ENAH: variants seen among roughly 807,000 people sequenced by gnomAD.
ENAH encodes ENAH actin regulator.
A neutral mutation model predicts 78.7 loss-of-function variants in ENAH; 23 were observed. The observed-to-expected ratio is 0.29, with a 90% CI of 0.21 to 0.41. The LOEUF (loss-of-function observed/expected upper bound fraction) is 0.41, where lower values mean the gene tolerates loss of function less well. ENAH is among the 10% of genes least tolerant of loss of function. ENAH has a pLI of 1.00. For missense variants in ENAH, 544 were observed against 691.0 expected, an observed-to-expected ratio of 0.79 and a Z score of 2.39; for synonymous variants, 226 against 241.0, an observed-to-expected ratio of 0.94 and a Z score of 0.58.
Position 225,512,706 on chromosome 1 carries a change from ATTC to A in ENAH, c.1370_1372del (p.Arg457del). 1.2e-6 allele frequency: 2 copies of A among 1,613,734 alleles called. No individual in the cohort carries two copies. Among genetic ancestry groups the A allele is most frequent in the Non-Finnish European group, 1.7e-6 (2 of 1,179,910 alleles). Reference sequence around the variant, plus strand: ...TTCTATTGTTGATCCCTTTTCAGCAATTCTTCTCCTACAAAGAAGGCAAATCCG... The same window carrying A: ...TTCTATTGTTGATCCCTTTTCAGCAATTCTCCTACAAAGAAGGCAAATCCG... On this transcript the variant is annotated inframe_deletion, in exon 9 of 14. Coordinates refer to ENST00000366843, the MANE Select transcript of ENAH (RefSeq NM_018212.6).
intron 4 of ENAH, among the ~76,000 whole-genome samples, chr1:225,521,463 GAACCCTGTCTCTACTAAAATTACAAA>G (rs2096467414): frequency 6.6e-6 from 1 of 151,698 alleles, no homozygotes; most frequent in Non-Finnish European, 1.5e-5. Flanking sequence ...CAACATGGTG[GAACCCTGTCTCTACTAAAATTACAAA>G]AATTAGCTGG....
At chr1:225,638,386 T>TA (rs766450768) in intron 1 of ENAH, among the ~76,000 whole-genome samples, 5 of 152,150 alleles carry the variant, frequency 3.3e-5, no homozygotes, top group Non-Finnish European at 7.4e-5. Context: ...CTTGAACTCT[T>TA]GGGCTCAACT....
At chr1:225,566,491 T>G (rs2096735683) in intron 2 of ENAH, among the ~76,000 whole-genome samples, 1 of 152,236 alleles carries the variant, frequency 6.6e-6, no homozygotes, top group South Asian at 2.1e-4. Flanking sequence ...GAAGAAAATT[T>G]GTTACATTCT....
intron 1 of ENAH, among the ~76,000 whole-genome samples, chr1:225,579,506 A>G (rs1420418583): frequency 6.6e-6 from 1 of 152,236 alleles, no homozygotes. Context: ...TTTCCTTCAA[A>G]TAGAATCTCA....
intron 11 of ENAH, 50 bp from the exon 12 acceptor site, chr1:225,501,120 A>G: frequency 7.1e-7 from 1 of 1,416,412 alleles, no homozygotes; most frequent in Non-Finnish European, 9.9e-7. Flanking sequence ...TTAATACTTA[A>G]TGAGTTCATA....
chr1:225,596,477 C>G (rs1234119643), intron 1 of ENAH, among the ~76,000 whole-genome samples: 1 of 151,982 alleles, frequency 6.6e-6, no homozygotes, highest in Non-Finnish European at 1.5e-5. Flanking sequence ...CTAGGAGGAC[C>G]ACATATAGCC....
At chr1:225,527,207 G>T (rs529560512) in intron 4 of ENAH, among the ~76,000 whole-genome samples, 1 of 152,104 alleles carries the variant, frequency 6.6e-6, no homozygotes, top group Non-Finnish European at 1.5e-5. Flanking sequence ...ACACGTTCCA[G>T]TAATAGTATA....
In ENAH at chr1:225,554,971, T is replaced by C. The variant is rs771314177; in HGVS notation, c.284A>G (p.Glu95Gly). 14 of 1,606,650 alleles carry C rather than the reference T, an allele frequency of 8.7e-6. No homozygotes were observed. Among genetic ancestry groups the C allele is most frequent in the Non-Finnish European group, 1.2e-5 (14 of 1,174,326 alleles). Residue 95 changes from glutamate to glycine, a missense_variant, in exon 3 of 14, where the codon GAG becomes GGG. Transcript: ENST00000366843. ...QVYGLNFGSK[E>G]DANVFASAMM... ...GGCACTTGCGAAGACATTGGCATCC[T>C]CTTTGCTGCCAAAGTTGAGACCATA...
In ENAH at chr1:225,652,749, A is replaced by AG. The variant is rs200923180; in HGVS notation, c.-60dup. 1.3e-3 allele frequency: 1,728 copies of AG among 1,291,616 alleles called. 8 individuals carry two copies. In the African/African-American group the frequency reaches 0.016, roughly 12 times the overall value. 80.0% of individuals were successfully genotyped at this position (1,291,616 alleles called of 1,614,324 possible). ...GGGAGACGCAGAAGGCGCCGAGCCG[A>AG]GGGGGGGGTCTCTCCTCCAGGGGTG... On this transcript the variant is annotated 5_prime_UTR_variant, in exon 1 of 14. Coordinates refer to ENST00000366843, the MANE Select transcript of ENAH (RefSeq NM_018212.6).
chr1:225,487,273 A>T lies in ENAH; in HGVS notation c.*10502T>A, dbSNP rs1375858993. 1 of 152,200 alleles carries T rather than the reference A, an allele frequency of 6.6e-6. No individual in the cohort carries two copies. The highest frequency in any genetic ancestry group is 1.5e-5 in the Non-Finnish European group (1 of 68,042). The allele number at this position is 152,200 out of a possible 1,614,324, so 9.4% of individuals were successfully genotyped here. ...GGTCCTCCTTTTTATTTATTCCTAT[A>T]TGAAACTTTGGTCCAAAAATCAGGT... On this transcript the variant is annotated 3_prime_UTR_variant, in exon 14 of 14. Transcript: ENST00000366843.
intron 2 of ENAH, among the ~76,000 whole-genome samples, chr1:225,556,544 T>C (rs966342887): frequency 6.6e-6 from 1 of 152,198 alleles, no homozygotes; most frequent in Non-Finnish European, 1.5e-5. Flanking sequence ...TCAACTTTTT[T>C]CTTCTTTGAT....
At chr1:225,652,643 C>T in intron 1 of ENAH, 43 bp downstream of exon 1, 1 of 1,264,196 alleles carries the variant, frequency 7.9e-7, no homozygotes, top group South Asian at 2.8e-5. Context: ...GCGGCTCCCG[C>T]GGCACAATGG....
At chr1:225,599,796 TAAAAAAAAAAA>T (rs34052384) in intron 1 of ENAH, among the ~76,000 whole-genome samples, 11 of 82,974 alleles carry the variant, frequency 1.3e-4, no homozygotes, top group Middle Eastern at 7.5e-3. Context: ...GACTCCGTCT[TAAAAAAAAAAA>T]AAAAAAAAAA....
At chr1:225,517,535 CAGG>C (rs1247378297) in intron 5 of ENAH, 1 of 1,551,368 alleles carries the variant, frequency 6.4e-7, no homozygotes, top group Non-Finnish European at 8.7e-7. Flanking sequence ...ATTTGGGGCA[CAGG>C]AGAAGAAACA....
intron 2 of ENAH, among the ~76,000 whole-genome samples, chr1:225,560,555 A>C (rs1001932546): frequency 6.6e-6 from 1 of 152,102 alleles, no homozygotes; most frequent in Non-Finnish European, 1.5e-5. Flanking sequence ...TCACAGGCAC[A>C]ATCATGGGAC....
chr1:225,490,388 C>G lies in ENAH; in HGVS notation c.*7387G>C, dbSNP rs193269680. ...AGGAGTTCAAGACCAGCCTGGGCAA[C>G]ATGGTGAAACCCCATCTCTACTAAA... is the stretch of plus-strand genomic sequence containing the variant. On this transcript the variant is annotated 3_prime_UTR_variant, in exon 14 of 14. Transcript: ENST00000366843. The G allele has an allele frequency of 2.6e-5, 4 of 152,242 alleles. No homozygotes were observed. In the East Asian group the frequency reaches 7.7e-4, roughly 29 times the overall value. 9.4% of individuals were successfully genotyped at this position (152,242 alleles called of 1,614,324 possible).
chr1:225,507,860 T>C, intron 11 of ENAH, 91 bp downstream of exon 11: 3 of 885,564 alleles, frequency 3.4e-6, no homozygotes, highest in Non-Finnish European at 5.0e-6. Flanking sequence ...CTCTGTATAA[T>C]TTCTTACCAT....
At chr1:225,653,222 G>C (rs917567297), upstream of ENAH, 4 of 150,932 alleles carry the variant, frequency 2.7e-5, no homozygotes, top group African/African-American at 9.7e-5. This position sits in a 1 kb window ranked among gnomAD's most constrained non-coding sequence, Gnocchi z 4.3. Flanking sequence ...CGAGGGGGCG[G>C]TGCGGGGGGA....
At chr1:225,608,815 CAA>C (rs928281132) in intron 1 of ENAH, among the ~76,000 whole-genome samples, 5 of 20,666 alleles carry the variant, frequency 2.4e-4, no homozygotes, top group African/African-American at 8.2e-4. Flanking sequence ...GACTCTGTCT[CAA>C]AAAAAAAAAA....
Sources: allele counts gnomAD v4.1 joint callset (sites outside exome capture counted in the v4.1 genomes callset), GRCh38; gene constraint gnomAD v4.1.1; non-coding constraint Gnocchi (gnomAD v3.1); transcripts MANE v1.5; gene names NCBI Gene and HGNC (gene_info 2026-07-23, HGNC 2026-07-21).